The following CNTNAP2 variants were observed in gnomAD, a reference collection of about 807,000 sequenced individuals.
CNTNAP2 encodes the protein contactin-associated protein-like 2.
CNTNAP2 carries 98 observed loss-of-function variants against 155.2 expected under a neutral mutation model. The ratio of observed to expected loss-of-function variants is 0.63; its 90% CI spans 0.54 to 0.75. The LOEUF (loss-of-function observed/expected upper bound fraction) is 0.75, where lower values mean the gene tolerates loss of function less well. CNTNAP2 is among the 30% of genes least tolerant of loss of function. The pLI, the probability that CNTNAP2 is intolerant of heterozygous loss-of-function variation, is 0.00. For synonymous variants in CNTNAP2, 651 were observed against 631.2 expected, an observed-to-expected ratio of 1.03 and a Z score of -0.47; for missense variants, 1,727 against 1,688.1, an observed-to-expected ratio of 1.02 and a Z score of -0.40.
intron 1 of CNTNAP2, among the ~76,000 whole-genome samples, chr7:146,397,027 C>T (rs1795638285): frequency 6.6e-6 from 1 of 152,062 alleles, no homozygotes; most frequent in South Asian, 2.1e-4. Context: ...TTATAATGGA[C>T]TTCCAATAAT....
intron 15 of CNTNAP2, among the ~76,000 whole-genome samples, chr7:147,993,139 A>T (rs989978080): frequency 6.6e-6 from 1 of 152,140 alleles, no homozygotes; most frequent in Non-Finnish European, 1.5e-5. Flanking sequence ...TGGGTGCTTG[A>T]TTTGCTCTTT....
At chr7:146,926,418 A>T (rs1331318409) in intron 3 of CNTNAP2, among the ~76,000 whole-genome samples, 1 of 152,092 alleles carries the variant, frequency 6.6e-6, no homozygotes, top group East Asian at 1.9e-4. Flanking sequence ...AACTGAGTTT[A>T]TGTCTGAATT....
intron 9 of CNTNAP2, among the ~76,000 whole-genome samples, chr7:147,340,679 T>C (rs1795746522): frequency 6.6e-6 from 1 of 152,160 alleles, no homozygotes; most frequent in South Asian, 2.1e-4. Context: ...CAGTGACATA[T>C]TCTGTCATTG....
chr7:147,268,600 G>C (rs1189744227), intron 8 of CNTNAP2, among the ~76,000 whole-genome samples: 2 of 152,114 alleles, frequency 1.3e-5, no homozygotes, highest in Admixed American at 1.3e-4. Context: ...CATGGCACAT[G>C]TATACCTATG....
chr7:147,933,634 G>A (rs1336170030), intron 14 of CNTNAP2, among the ~76,000 whole-genome samples: 1 of 152,156 alleles, frequency 6.6e-6, no homozygotes, highest in Non-Finnish European at 1.5e-5. Flanking sequence ...GGAGGCCAAG[G>A]CAGGCAGATC....
At chr7:146,491,126 C>T (rs924648027) in intron 1 of CNTNAP2, among the ~76,000 whole-genome samples, 4 of 151,790 alleles carry the variant, frequency 2.6e-5, no homozygotes, top group African/African-American at 9.7e-5. Flanking sequence ...AAACAAAAAA[C>T]CCAAAGATGA....
At chr7:148,133,137 C>A (rs971487801) in intron 16 of CNTNAP2, among the ~76,000 whole-genome samples, 1 of 151,884 alleles carries the variant, frequency 6.6e-6, no homozygotes, top group Non-Finnish European at 1.5e-5. Context: ...CCCAGTAAAA[C>A]CCTAGGTTTC....
At chr7:146,504,669 G>A (rs1456433093) in intron 1 of CNTNAP2, among the ~76,000 whole-genome samples, 5 of 152,154 alleles carry the variant, frequency 3.3e-5, no homozygotes, top group African/African-American at 1.2e-4. Context: ...GCCACCAGGG[G>A]GCTCATCACA....
intron 3 of CNTNAP2, among the ~76,000 whole-genome samples, chr7:146,880,142 A>C (rs931378340): frequency 6.6e-6 from 1 of 152,124 alleles, no homozygotes; most frequent in Admixed American, 6.6e-5. Flanking sequence ...ACACAGCCAA[A>C]TATATCACAG....
At chr7:148,355,151 A>C (rs1193523450) in intron 21 of CNTNAP2, among the ~76,000 whole-genome samples, 1 of 132,610 alleles carries the variant, frequency 7.5e-6, no homozygotes, top group African/African-American at 2.8e-5. Context: ...CACTTCATGC[A>C]TCAGCCGCCA....
chr7:146,719,583 A>C (rs184873037), intron 1 of CNTNAP2, among the ~76,000 whole-genome samples: 23 of 152,214 alleles, frequency 1.5e-4, no homozygotes, highest in Admixed American at 3.9e-4. Flanking sequence ...AGTTTTTTCC[A>C]TATTTTCCAT....
At chr7:148,326,896 G>A (rs1156931520) in intron 21 of CNTNAP2, among the ~76,000 whole-genome samples, 3 of 151,580 alleles carry the variant, frequency 2.0e-5, no homozygotes, top group African/African-American at 7.3e-5. Context: ...CAAATGGAAT[G>A]AAGAACCTCT....
At chr7:146,705,847 C>G (rs558567624) in intron 1 of CNTNAP2, among the ~76,000 whole-genome samples, 63 of 152,204 alleles carry the variant, frequency 4.1e-4, no homozygotes, top group African/African-American at 1.4e-3. Flanking sequence ...TATTACAATT[C>G]AAGGTGATAT....
intron 12 of CNTNAP2, among the ~76,000 whole-genome samples, chr7:147,573,452 A>G (rs978703645): frequency 5.9e-5 from 9 of 152,124 alleles, no homozygotes; most frequent in African/African-American, 2.2e-4. Context: ...ATGTTATTCT[A>G]TCTTCACTGG....
At position 147,300,214 on chromosome 7, in the gene CNTNAP2, C is replaced by T. The variant is rs905342266; in HGVS notation, c.1422C>T (p.Ile474=). Reference sequence around the variant, plus strand: ...AGGAAAATTTTGCTATTCTCACCATCGATGGAGATGAAGCATCAGCAGTTC... The same window carrying T: ...AGGAAAATTTTGCTATTCTCACCATTGATGGAGATGAAGCATCAGCAGTTC... ...LAKENFAILT[I]DGDEASAVRT... The change falls in exon 9 of 24, where the codon ATC becomes ATT. Residue 474 remains isoleucine (I), a synonymous_variant. Transcript: ENST00000361727. The T allele has an allele frequency of 6.8e-6, 11 of 1,613,930 alleles. No homozygotes were observed. The highest frequency in any genetic ancestry group is 1.7e-5 in the Admixed American group (1 of 60,000).
chr7:147,371,290 A>G (rs1796333947), intron 9 of CNTNAP2, among the ~76,000 whole-genome samples: 2 of 152,148 alleles, frequency 1.3e-5, no homozygotes, highest in African/African-American at 4.8e-5. Flanking sequence ...AGCACTATAC[A>G]TTTATGAGAA....
chr7:146,217,759 C>T (rs900533151), intron 1 of CNTNAP2, among the ~76,000 whole-genome samples: 1 of 152,060 alleles, frequency 6.6e-6, no homozygotes, highest in African/African-American at 2.4e-5. Context: ...CATGAGAGAA[C>T]TTTCCAGGGT....
At chr7:148,331,734 G>GGAGTGGATGGATA (rs1798024515) in intron 21 of CNTNAP2, among the ~76,000 whole-genome samples, 1 of 16,378 alleles carries the variant, frequency 6.1e-5, no homozygotes. Flanking sequence ...TTGGATGGAT[G>GGAGTGGATGGATA]GAGTGGATGG....
chr7:148,186,162 G>A (rs1795111386), intron 18 of CNTNAP2, among the ~76,000 whole-genome samples: 1 of 152,178 alleles, frequency 6.6e-6, no homozygotes, highest in South Asian at 2.1e-4. Flanking sequence ...CAAAATCAAA[G>A]TATGTCGTGG....
Sources: allele counts gnomAD v4.1 joint callset (sites outside exome capture counted in the v4.1 genomes callset), GRCh38; gene constraint gnomAD v4.1.1; transcripts MANE v1.5; gene names NCBI Gene and HGNC (gene_info 2026-07-23, HGNC 2026-07-21).